The following RBFOX1 variants were observed in gnomAD, a reference collection of about 807,000 sequenced individuals.
The protein encoded by RBFOX1 is RNA binding protein fox-1 homolog 1.
A neutral mutation model predicts 57.7 loss-of-function variants in RBFOX1; 8 were observed. The observed-to-expected ratio is 0.14, with a 90% CI of 0.08 to 0.25. RBFOX1 has a LOEUF of 0.25. Among genes scored for constraint, RBFOX1 ranks in the 10% least tolerant of loss-of-function variants. The pLI is 1.00. For synonymous variants in RBFOX1, 326 were observed against 222.4 expected (o/e 1.47, Z -4.15); for missense variants, 611 against 548.5 (o/e 1.11, Z -1.14).
chr16:6,548,117 G>A (rs889880570), intron 2 of RBFOX1, among the ~76,000 whole-genome samples: 6 of 152,144 alleles, frequency 3.9e-5, no homozygotes, highest in South Asian at 2.1e-4. Flanking sequence ...ACATACTGAA[G>A]GCTGGTTTAC....
chr16:6,083,036 C>A (rs2096029662), intron 1 of RBFOX1, among the ~76,000 whole-genome samples: 1 of 151,690 alleles, frequency 6.6e-6, no homozygotes, highest in African/African-American at 2.4e-5. Context: ...GAGTCTTGCT[C>A]TGTCACCCAG....
chr16:5,981,582 C>T (rs939205451), intron 4 of RBFOX1, among the ~76,000 whole-genome samples: 1 of 152,132 alleles, frequency 6.6e-6, no homozygotes, highest in Non-Finnish European at 1.5e-5. Flanking sequence ...GATTCTCCTG[C>T]TTCAGCCTCA....
chr16:5,534,668 C>A (rs1479636559), intron 2 of RBFOX1, among the ~76,000 whole-genome samples: 1 of 152,178 alleles, frequency 6.6e-6, no homozygotes, highest in Non-Finnish European at 1.5e-5. Context: ...TGCCCACTCA[C>A]ACTGAGGGTG....
intron 4 of RBFOX1, among the ~76,000 whole-genome samples, chr16:7,194,631 A>G (rs751485719): frequency 1.1e-4 from 17 of 152,186 alleles, no homozygotes; most frequent in African/African-American, 3.1e-4. Context: ...TTACATTTAG[A>G]AAGTGGTGAA....
At chr16:6,357,114 C>A (rs1394101324) in intron 2 of RBFOX1, among the ~76,000 whole-genome samples, 3 of 152,132 alleles carry the variant, frequency 2.0e-5, no homozygotes, top group Non-Finnish European at 2.9e-5. Context: ...TCCCCTCCTG[C>A]CCTGCTTGCG....
rs562700181 is a variant in RBFOX1 at position 6,666,666 on chromosome 16, C to G, written c.-16+12016C>G. Among the ~76,000 whole-genome samples the G allele has an allele frequency of 2.6e-5, 4 of 152,236 alleles. No homozygotes were observed. In the East Asian group the frequency reaches 5.8e-4, roughly 22 times the overall value. On this transcript the variant is annotated intron_variant, in intron 3 of 15. Transcript: ENST00000550418. Reference sequence around the variant, plus strand: ...TCTAGGCTGTACTGCCTCTTCCAAGCATGCTTCACAGGAAGAAGAAAATAC... The same window carrying G: ...TCTAGGCTGTACTGCCTCTTCCAAGGATGCTTCACAGGAAGAAGAAAATAC...
intron 4 of RBFOX1, among the ~76,000 whole-genome samples, chr16:7,248,491 G>GCTGGC (rs992046440): frequency 2.6e-5 from 4 of 152,332 alleles, no homozygotes; most frequent in African/African-American, 7.2e-5. Context: ...GCTTACACTT[G>GCTGGC]CTGGCTTAGC....
At chr16:5,333,640 G>A (rs752624074) in intron 1 of RBFOX1, among the ~76,000 whole-genome samples, 1 of 152,176 alleles carries the variant, frequency 6.6e-6, no homozygotes, top group African/African-American at 2.4e-5. Flanking sequence ...ACGGGGACGT[G>A]TTCTGAGAAT....
chr16:5,274,147 T>G (rs1354899753), intron 1 of RBFOX1, among the ~76,000 whole-genome samples: 1 of 152,224 alleles, frequency 6.6e-6, no homozygotes, highest in East Asian at 1.9e-4. Flanking sequence ...TATCCATCGC[T>G]GCATCTCTCA....
intron 1 of RBFOX1, among the ~76,000 whole-genome samples, chr16:6,293,252 A>G (rs1343279316): frequency 6.6e-6 from 1 of 152,128 alleles, no homozygotes; most frequent in Non-Finnish European, 1.5e-5. Flanking sequence ...GCTAAGAAAT[A>G]TTGGATCAGG....
intron 4 of RBFOX1, among the ~76,000 whole-genome samples, chr16:7,481,619 C>T (rs1473920386): frequency 4.6e-5 from 7 of 152,174 alleles, no homozygotes. Flanking sequence ...CAGCAAATAA[C>T]AATATCTTCT....
chr16:6,725,347 G>A (rs545802613), intron 3 of RBFOX1, among the ~76,000 whole-genome samples: 84 of 151,846 alleles, frequency 5.5e-4, no homozygotes, highest in African/African-American at 1.2e-3. Flanking sequence ...CACCGCGCCC[G>A]GCCGGTTTTG....
intron 4 of RBFOX1, among the ~76,000 whole-genome samples, chr16:7,213,568 A>AC (rs1603261291): frequency 6.6e-6 from 1 of 150,696 alleles, no homozygotes; most frequent in African/African-American, 2.5e-5. Context: ...AAAAAAAAAA[A>AC]CACAAACAAG....
rs1433312870 is a variant in RBFOX1 at position 7,401,535 on chromosome 16, A to G, written c.28-116612A>G. On this transcript the variant is annotated intron_variant, in intron 4 of 15. Coordinates refer to ENST00000550418, the MANE Select transcript of RBFOX1 (RefSeq NM_018723.4). ...AAAATAGAAAAATAAAAAGATAGAA[A>G]AATAGTTAACAATGCAAGCCTCTGG... Among the ~76,000 whole-genome samples, 4 of 152,202 alleles carry G rather than the reference A, an allele frequency of 2.6e-5. No homozygotes were observed. In the East Asian group the frequency reaches 7.7e-4, roughly 29 times the overall value.
At chr16:7,284,103 A>C (rs966519509) in intron 4 of RBFOX1, among the ~76,000 whole-genome samples, 1 of 152,226 alleles carries the variant, frequency 6.6e-6, no homozygotes, top group Non-Finnish European at 1.5e-5. Flanking sequence ...AGTTGCATCT[A>C]TCAACAGTTC....
intron 6 of RBFOX1, among the ~76,000 whole-genome samples, chr16:7,582,185 A>T (rs2093824213): frequency 6.6e-6 from 1 of 152,076 alleles, no homozygotes; most frequent in African/African-American, 2.4e-5. Flanking sequence ...TCACCACTTC[A>T]CTTTAAAGTC....
intron 4 of RBFOX1, among the ~76,000 whole-genome samples, chr16:7,192,726 G>A (rs574532253): frequency 1.3e-5 from 2 of 152,254 alleles, no homozygotes; most frequent in South Asian, 4.2e-4. Context: ...GGAGTGACTG[G>A]GTGAGAGACC....
At chr16:5,682,402 A>G (rs1159102821) in intron 3 of RBFOX1, among the ~76,000 whole-genome samples, 3 of 152,176 alleles carry the variant, frequency 2.0e-5, no homozygotes, top group Admixed American at 6.5e-5. Flanking sequence ...ACACCTGGAA[A>G]AAGAGGGTCA....
At chr16:6,161,595 C>G (rs529336902) in intron 1 of RBFOX1, among the ~76,000 whole-genome samples, 2 of 152,260 alleles carry the variant, frequency 1.3e-5, no homozygotes, top group African/African-American at 4.8e-5. Context: ...TGCATGGCAT[C>G]TGCTTCCTTC....
Sources: gnomAD v4.1 joint callset for allele counts (sites outside exome capture counted in the v4.1 genomes callset) on GRCh38, gnomAD v4.1.1 for gene constraint, MANE v1.5 for transcripts, NCBI Gene and HGNC (gene_info 2026-07-23, HGNC 2026-07-21) for gene names.